RND1: variants seen among roughly 807,000 people sequenced by gnomAD.
RND1 encodes the protein Rho family GTPase 1, also known as rho-related GTP-binding protein Rho6.
RND1 carries 9 observed loss-of-function variants against 27.1 expected under a neutral mutation model. The observed-to-expected ratio is 0.33, with a 90% CI of 0.20 to 0.58. RND1 has a LOEUF of 0.58. RND1 is among the 20% of genes least tolerant of loss of function. The pLI is 0.86. For synonymous variants in RND1, 108 were observed against 115.7 expected (o/e 0.93, Z 0.43); for missense variants, 253 against 292.2 (o/e 0.87, Z 0.98).
chr12:48,860,758 G>A (rs1270149945), intron 4 of RND1, among the ~76,000 whole-genome samples: 1 of 151,904 alleles, frequency 6.6e-6, no homozygotes, highest in Admixed American at 6.6e-5. Flanking sequence ...TCTAACGCAG[G>A]TGGTCAGAAT....
intron 1 of RND1, 48 bp downstream of exon 1, chr12:48,865,600 C>A (rs1313234321): frequency 6.4e-7 from 1 of 1,571,348 alleles, no homozygotes; most frequent in Non-Finnish European, 8.6e-7. Flanking sequence ...TACCCCAAGG[C>A]GGGCAGGCAG....
rs752856135 is a variant in RND1, at chr12:48,857,743, G to A, written c.*253C>T. The A allele has an allele frequency of 1.1e-5, 4 of 358,142 alleles. No homozygotes were observed. Among genetic ancestry groups the A allele is most frequent in the East Asian group, 1.0e-4 (2 of 19,326 alleles). 22.2% of individuals were successfully genotyped at this position (358,142 alleles called of 1,614,324 possible). A position where few individuals can be genotyped will look rare whatever the true frequency, so the allele number is the denominator to read the frequency against. ...CACAGCTTTCCTTCCTCTGGAGCGG[G>A]GGGGGCACTGGGGTAGTCGCCCCCT... On this transcript the variant is annotated 3_prime_UTR_variant, in exon 5 of 5. Coordinates refer to ENST00000309739, the MANE Select transcript of RND1 (RefSeq NM_014470.4).
At chr12:48,861,953 G>T in intron 3 of RND1, 56 bp downstream of exon 3, 2 of 1,019,864 alleles carry the variant, frequency 2.0e-6, no homozygotes, top group South Asian at 1.3e-5. Flanking sequence ...ACAAGGTCCC[G>T]ATTCCTTCTT....
intron 4 of RND1, among the ~76,000 whole-genome samples, chr12:48,860,557 A>ATTT (rs34655698): frequency 4.1e-4 from 29 of 70,618 alleles, no homozygotes; most frequent in Non-Finnish European, 5.9e-4. Flanking sequence ...ACACCCAGCT[A>ATTT]TTTTTTTTTT....
rs1409724704 is a variant in RND1, at chr12:48,857,327, C to T, written c.*669G>A. ...TGGTGACCCCCACCCAGCCCTGCCC[C>T]TGCAGCACCACCACCCCCACACTCT... On this transcript the variant is annotated 3_prime_UTR_variant, in exon 5 of 5. Transcript: ENST00000309739. 3 of 152,342 alleles carry T rather than the reference C, an allele frequency of 2.0e-5. No homozygotes were observed. The highest frequency in any genetic ancestry group is 4.4e-5 in the Non-Finnish European group (3 of 68,008). 9.4% of individuals were successfully genotyped at this position (152,342 alleles called of 1,614,324 possible). A position where few individuals can be genotyped will look rare whatever the true frequency, so the allele number is the denominator to read the frequency against.
At chr12:48,861,359 C>A (rs1445789440) in intron 3 of RND1, among the ~76,000 whole-genome samples, 2 of 152,166 alleles carry the variant, frequency 1.3e-5, no homozygotes, top group African/African-American at 4.8e-5. Flanking sequence ...CCTGTTCCCC[C>A]AGTCTATGGC....
At position 48,857,853 on chromosome 12, in the gene RND1, A is replaced by G; in HGVS notation, c.*143T>C. On this transcript the variant is annotated 3_prime_UTR_variant, in exon 5 of 5. Transcript: ENST00000309739. ...CCGGGCCTGGCTCCTTCCTCGCCCCATTCCTGTCTCCTTCCAAGCCCTCAC... is the reference window on the plus strand; with the variant it reads ...CCGGGCCTGGCTCCTTCCTCGCCCCGTTCCTGTCTCCTTCCAAGCCCTCAC... 2 of 990,920 alleles carry G rather than the reference A, an allele frequency of 2.0e-6. No individual in the cohort carries two copies. Among genetic ancestry groups the G allele is most frequent in the Non-Finnish European group, 2.9e-6 (2 of 694,920 alleles). The allele number at this position is 990,920 out of a possible 1,614,324, so 61.4% of individuals were successfully genotyped here.
intron 2 of RND1, among the ~76,000 whole-genome samples, chr12:48,863,249 C>T (rs1196378608): frequency 6.6e-6 from 1 of 152,210 alleles, no homozygotes; most frequent in Non-Finnish European, 1.5e-5. Flanking sequence ...TGGCCACTTC[C>T]TCCTTCCTTA....
At position 48,861,568 on chromosome 12, in the gene RND1, T is replaced by C. The variant is rs73300182; in HGVS notation, c.319-437A>G. Reference sequence around the variant, plus strand: ...GATACACAAGGTTTCCTAGGACTCCTCAGCATTGGTGGATCTGCCCAGACC... The same window carrying C: ...GATACACAAGGTTTCCTAGGACTCCCCAGCATTGGTGGATCTGCCCAGACC... On this transcript the variant is annotated intron_variant, in intron 3 of 4. Transcript: ENST00000309739. Among the ~76,000 whole-genome samples, 1,519 of 152,294 alleles carry C rather than the reference T, an allele frequency of 1.0e-2. 29 individuals carry two copies. Among genetic ancestry groups the C allele is most frequent in the African/African-American group, 0.035 (1,441 of 41,542 alleles).
At chr12:48,861,317 C>G (rs910902702) in intron 3 of RND1, among the ~76,000 whole-genome samples, 186 bp from the exon 4 acceptor site, 1 of 152,140 alleles carries the variant, frequency 6.6e-6, no homozygotes, top group Non-Finnish European at 1.5e-5. Flanking sequence ...GCCCATGAGG[C>G]CTTTGGGGCC....
chr12:48,861,176 G>A, intron 3 of RND1, 45 bp from the exon 4 acceptor site: 1 of 1,563,072 alleles, frequency 6.4e-7, no homozygotes, highest in Non-Finnish European at 8.7e-7. Flanking sequence ...GAGGAAGGAA[G>A]GAGAGTTAGT....
Position 48,864,883 on chromosome 12 carries a change from A to C in RND1, c.121-13T>G. On this transcript the variant is annotated splice_polypyrimidine_tract_variant and intron_variant, in intron 1 of 4. Coordinates refer to ENST00000309739, the MANE Select transcript of RND1 (RefSeq NM_014470.4). ...TGGGCACATAGGTCTGTGAAAAGAG[A>C]GGAAACATTCACCCCATGCACCCCT... 6.2e-7 allele frequency: 1 copy of C among 1,602,446 alleles called. No homozygotes were observed. Among genetic ancestry groups the C allele is most frequent in the Non-Finnish European group, 8.5e-7 (1 of 1,169,590 alleles).
chr12:48,860,613 C>G (rs1938908596), intron 4 of RND1, among the ~76,000 whole-genome samples: 1 of 131,634 alleles, frequency 7.6e-6, no homozygotes, highest in African/African-American at 2.9e-5. Flanking sequence ...GTTGCCCAGG[C>G]TTATCTCAAA....
chr12:48,864,943 C>A (rs887676387), intron 1 of RND1, 73 bp from the exon 2 acceptor site: 103 of 1,078,924 alleles, frequency 9.5e-5, no homozygotes, highest in Admixed American at 5.1e-5. Context: ...TGGCTACACA[C>A]GCACTCACCA....
intron 4 of RND1, 115 bp from the exon 5 acceptor site, chr12:48,858,356 C>T: frequency 1.8e-6 from 2 of 1,109,082 alleles, no homozygotes; most frequent in Non-Finnish European, 2.5e-6. Flanking sequence ...AGTCTCCAAA[C>T]ACCACCCTCT....
chr12:48,863,447 C>T (rs553355844), intron 2 of RND1, among the ~76,000 whole-genome samples: 8 of 151,724 alleles, frequency 5.3e-5, no homozygotes, highest in African/African-American at 9.7e-5. Context: ...GGCGTTTGGG[C>T]GGTGGTAGTG....
chr12:48,858,402 T>C, intron 4 of RND1, 161 bp from the exon 5 acceptor site: 1 of 796,858 alleles, frequency 1.3e-6, no homozygotes, highest in Non-Finnish European at 1.9e-6. Context: ...TTTTTTTTTT[T>C]TTTTTGGCAT....
chr12:48,858,394 T>G (rs560745219), intron 4 of RND1, 153 bp from the exon 5 acceptor site: 1 of 760,750 alleles, frequency 1.3e-6, no homozygotes, highest in Non-Finnish European at 1.9e-6. Context: ...CTTTTCTTTT[T>G]TTTTTTTTTT....
At chr12:48,865,178 G>A (rs1938970973) in intron 1 of RND1, among the ~76,000 whole-genome samples, 1 of 152,174 alleles carries the variant, frequency 6.6e-6, no homozygotes, top group Non-Finnish European at 1.5e-5. Flanking sequence ...CAATTTGAGA[G>A]AGCCACAGGC....
Sources: gnomAD v4.1 joint callset for allele counts (sites outside exome capture counted in the v4.1 genomes callset) on GRCh38, gnomAD v4.1.1 for gene constraint, MANE v1.5 for transcripts, NCBI Gene and HGNC (gene_info 2026-07-23, HGNC 2026-07-21) for gene names.